The following FOCAD variants were observed in gnomAD, a reference collection of about 807,000 sequenced individuals.
The protein encoded by FOCAD is KIAA1797.
Under a neutral mutation model 225.6 loss-of-function variants are expected in FOCAD, and 198 were observed. The ratio of observed to expected loss-of-function variants is 0.88; its 90% CI spans 0.78 to 0.99. The LOEUF (loss-of-function observed/expected upper bound fraction) is 0.99. Ranked by LOEUF, FOCAD falls within the 50% of genes least tolerant of loss-of-function variation. The probability of loss-of-function intolerance (pLI) is 0.00; values close to 1 mark genes in which losing one functional copy is unlikely to be tolerated. For synonymous variants in FOCAD, 897 were observed against 755.0 expected (o/e 1.19, Z -3.08); for missense variants, 2,713 against 2,123.6 (o/e 1.28, Z -5.46).
rs764735665 is a variant in FOCAD, at chr9:20,981,576, T to C, written c.4528T>C (p.Leu1510=). Residue 1510 remains leucine, a synonymous_variant, in exon 38 of 44, where the codon TTA becomes CTA. Coordinates refer to ENST00000338382, the MANE Select transcript of FOCAD (RefSeq NM_001375567.1). ...LGSPELCPSA[L]HGLSQAMKLP... is the part of the protein sequence containing the mutation. ...AAGTCCTGAGCTATGCCCAAGTGCT[T>C]TACACGGTCTGAGCCAGGCCATGAA... 6.2e-7 allele frequency: 1 copy of C among 1,614,068 alleles called. No homozygotes were observed. Among genetic ancestry groups the C allele is most frequent in the Non-Finnish European group, 8.5e-7 (1 of 1,179,984 alleles).
intron 11 of FOCAD, among the ~76,000 whole-genome samples, chr9:20,795,154 TAG>T (rs1348387218): frequency 6.6e-6 from 1 of 152,178 alleles, no homozygotes; most frequent in African/African-American, 2.4e-5. Context: ...GAGAACATGA[TAG>T]AGTGTTTTTT....
rs115388075 is a variant in FOCAD, at chr9:20,689,735, C to T, written c.-33+5442C>T. On this transcript the variant is annotated intron_variant, in intron 1 of 43. Coordinates refer to ENST00000338382, the MANE Select transcript of FOCAD (RefSeq NM_001375567.1). The stretch of plus-strand genomic sequence containing the variant: ...TTAGATTTGGGTATAAGGGTGACAG[C>T]GCTTCTCTGAAGCATATGGCTAGCT... Among the ~76,000 whole-genome samples, 964 of 152,222 alleles carry T rather than the reference C, an allele frequency of 6.3e-3. 11 individuals are homozygous for T. The highest frequency in any genetic ancestry group is 0.022 in the African/African-American group (894 of 41,502).
rs569660839 is a variant in FOCAD, at chr9:20,885,195, A to G, written c.2590A>G (p.Ser864Gly). 2.6e-6 allele frequency: 4 copies of G among 1,538,660 alleles called. No individual in the cohort carries two copies. Among genetic ancestry groups the G allele is most frequent in the African/African-American group, 1.4e-5 (1 of 72,406 alleles). Residue 864 changes from serine to glycine, a missense_variant, in exon 21 of 44, where the codon AGT (serine) becomes GGT (glycine). Physicochemically the swap from Ser to Gly is moderately conservative, Grantham distance 56 (BLOSUM62 0). Coordinates refer to ENST00000338382, the MANE Select transcript of FOCAD (RefSeq NM_001375567.1). Reference sequence around the variant, plus strand: ...CAGACTGATGGCCAGCAGAGGGCGAAGTTTCAAGCAGACTTCACTTGCTCT... The same window carrying G: ...CAGACTGATGGCCAGCAGAGGGCGAGGTTTCAAGCAGACTTCACTTGCTCT... ...LNRLMASRGR[S>G]FKQTSLALVH...
intron 40 of FOCAD, among the ~76,000 whole-genome samples, 200 bp downstream of exon 40, chr9:20,986,665 G>A (rs139580965): frequency 2.6e-4 from 40 of 152,246 alleles, no homozygotes; most frequent in African/African-American, 9.1e-4. Flanking sequence ...AAATGAGGAT[G>A]GATTCTTTCG....
chr9:20,730,059 C>T (rs1826550061), intron 4 of FOCAD, among the ~76,000 whole-genome samples: 1 of 152,156 alleles, frequency 6.6e-6, no homozygotes, highest in African/African-American at 2.4e-5. Flanking sequence ...ACTGTGTGCC[C>T]TGCCTTGTGC....
At position 20,926,391 on chromosome 9, in the gene FOCAD, G is replaced by A. The variant is rs746952911; in HGVS notation, c.3052G>A (p.Gly1018Arg). Residue 1018 changes from glycine (G) to arginine (R), a missense_variant, in exon 26 of 44, where the codon GGG becomes AGG. By Grantham distance (125) the Gly-to-Arg change is moderately radical. Transcript: ENST00000338382. ...VIVDSHYQPR[G>R]QLLSWFYYKS... is the part of the protein sequence containing the mutation. The stretch of plus-strand genomic sequence containing the variant: ...TGTGGATAGCCATTACCAACCCAGA[G>A]GGCAACTTCTCTCCTGGTTTTATTA... 80 of 1,609,924 alleles carry A rather than the reference G, an allele frequency of 5.0e-5. No homozygotes were observed. Among genetic ancestry groups the A allele is most frequent in the Non-Finnish European group, 6.1e-5 (72 of 1,176,426 alleles).
At chr9:20,826,236 G>A (rs768542407) in intron 15 of FOCAD, among the ~76,000 whole-genome samples, 6 of 152,036 alleles carry the variant, frequency 3.9e-5, no homozygotes, top group Non-Finnish European at 8.8e-5. Flanking sequence ...CCTCAAACTG[G>A]GAGTGTAGCA....
chr9:20,902,581 C>A (rs532017679), intron 21 of FOCAD, among the ~76,000 whole-genome samples: 6 of 151,908 alleles, frequency 3.9e-5, no homozygotes, highest in African/African-American at 1.4e-4. Context: ...AATGTATTAA[C>A]AGTAAGGGTA....
At chr9:20,893,991 C>T (rs1831856518) in intron 21 of FOCAD, among the ~76,000 whole-genome samples, 1 of 152,082 alleles carries the variant, frequency 6.6e-6, no homozygotes, top group African/African-American at 2.4e-5. Context: ...GTATCATACA[C>T]AGTAGTTTTG....
rs560989479 is a variant in FOCAD, at chr9:20,862,615, C to T, written c.1958C>T (p.Pro653Leu). The T allele has an allele frequency of 1.2e-6, 2 of 1,613,332 alleles. No homozygotes were observed. Among genetic ancestry groups the T allele is most frequent in the Non-Finnish European group, 1.7e-6 (2 of 1,179,626 alleles). ...CIRSTWNALS[P>L]KLSCDTRPLI... ...CGCTCCACTTGGAATGCTCTCTCTC[C>T]AAAGCTGAGTTGTGACACAAGACCT... The change falls in exon 16 of 44, where the codon CCA (proline) becomes CTA (leucine). Residue 653 changes from proline (P) to leucine (L), a missense_variant. Transcript: ENST00000338382.
intron 25 of FOCAD, 27 bp from the exon 26 acceptor site, chr9:20,926,274 C>A: frequency 7.8e-7 from 1 of 1,276,596 alleles, no homozygotes; most frequent in Non-Finnish European, 1.1e-6. Flanking sequence ...TCTCTGTAAT[C>A]ATTTCATGTT....
intron 15 of FOCAD, among the ~76,000 whole-genome samples, chr9:20,854,683 A>G (rs1022222428): frequency 6.6e-6 from 1 of 151,778 alleles, no homozygotes; most frequent in Admixed American, 6.6e-5. Context: ...GCAACAAAGT[A>G]TGCATAACAT....
At chr9:20,764,598 G>T (rs1829898812) in intron 6 of FOCAD, among the ~76,000 whole-genome samples, 1 of 152,188 alleles carries the variant, frequency 6.6e-6, no homozygotes, top group African/African-American at 2.4e-5. Flanking sequence ...CAGAGATGTA[G>T]TTGCTATTCT....
chr9:20,969,397 G>C (rs1457581636), intron 35 of FOCAD, among the ~76,000 whole-genome samples: 1 of 151,964 alleles, frequency 6.6e-6, no homozygotes, highest in Non-Finnish European at 1.5e-5. Flanking sequence ...CGTTACTGTA[G>C]AGCTATCTAT....
intron 28 of FOCAD, among the ~76,000 whole-genome samples, chr9:20,939,973 G>C (rs62560530): frequency 6.8e-6 from 1 of 147,022 alleles, no homozygotes; most frequent in Non-Finnish European, 1.5e-5. Context: ...TCATTGTTCA[G>C]TTCCCACCTA....
chr9:20,828,974 T>C (rs1338853578), intron 15 of FOCAD, among the ~76,000 whole-genome samples: 1 of 152,178 alleles, frequency 6.6e-6, no homozygotes, highest in Non-Finnish European at 1.5e-5. Context: ...CTCTCATTCC[T>C]TTTTATGGCT....
chr9:20,784,653 A>T (rs940360406), intron 10 of FOCAD, among the ~76,000 whole-genome samples: 3 of 152,196 alleles, frequency 2.0e-5, no homozygotes, highest in Non-Finnish European at 4.4e-5. Flanking sequence ...CCATGTGTTT[A>T]TTCATTCTTA....
chr9:20,700,491 A>G (rs1407302599), intron 1 of FOCAD, among the ~76,000 whole-genome samples: 1 of 151,762 alleles, frequency 6.6e-6, no homozygotes, highest in Non-Finnish European at 1.5e-5. Context: ...AATTTGGCTG[A>G]AGTTCACCTT....
intron 1 of FOCAD, among the ~76,000 whole-genome samples, chr9:20,713,223 C>T (rs1259908787): frequency 2.6e-5 from 4 of 152,168 alleles, no homozygotes; most frequent in Admixed American, 1.3e-4. Flanking sequence ...CTTTTATGAC[C>T]TGGCTTCTCA....
Sources: gnomAD v4.1 joint callset for allele counts (sites outside exome capture counted in the v4.1 genomes callset) on GRCh38, gnomAD v4.1.1 for gene constraint, MANE v1.5 for transcripts, NCBI Gene and HGNC (gene_info 2026-07-23, HGNC 2026-07-21) for gene names.